Variants in LRIG2 observed in about 807,000 individuals in gnomAD.
The protein encoded by LRIG2 is leucine-rich repeats and immunoglobulin-like domains protein 2.
LRIG2 carries 93 observed loss-of-function variants against 107.8 expected under a neutral mutation model. That is an observed-to-expected ratio of 0.86 (90% CI 0.73 to 1.03). The LOEUF (loss-of-function observed/expected upper bound fraction) is 1.03. Ranked by LOEUF, LRIG2 falls within the 50% of genes least tolerant of loss-of-function variation. The pLI is 0.00. For missense variants in LRIG2, 1,226 were observed against 1,296.0 expected, an observed-to-expected ratio of 0.95 and a Z score of 0.83; for synonymous variants, 471 against 470.6, an observed-to-expected ratio of 1.00 and a Z score of -0.01.
intron 13 of LRIG2, among the ~76,000 whole-genome samples, chr1:113,111,838 C>T (rs1053788010): frequency 2.6e-5 from 4 of 152,114 alleles, no homozygotes; most frequent in African/African-American, 2.4e-5. Flanking sequence ...GATGGACTCT[C>T]ACTCTGTCAT....
rs1655360968 is a variant in LRIG2 at position 113,123,727 on chromosome 1, T to TG, written c.2972-148_2972-147insG. ...AAAGACCATGTTCTGGTGGTGGTTT[T>TG]TGTGTGTGTGTGTGTGTGTGTGTGT... On this transcript the variant is annotated intron_variant, in intron 17 of 17. Coordinates refer to ENST00000361127, the MANE Select transcript of LRIG2 (RefSeq NM_014813.3). 7 of 597,096 alleles carry TG rather than the reference T, an allele frequency of 1.2e-5. No individual in the cohort carries two copies. The African/African-American group carries it at 1.4e-4, about 12-fold the overall frequency. The allele number at this position is 597,096 out of a possible 1,614,324, so 37.0% of individuals were successfully genotyped here. A position where few individuals can be genotyped will look rare whatever the true frequency, so the allele number is the denominator to read the frequency against.
At position 113,114,739 on chromosome 1, in the gene LRIG2, A is replaced by G; in HGVS notation, c.2393A>G (p.His798Arg). The G allele has an allele frequency of 1.9e-6, 3 of 1,614,182 alleles. No homozygotes were observed. The highest frequency in any genetic ancestry group is 4.5e-5 in the East Asian group (2 of 44,884). ...GACTCTTCCCAGAGTAGCATTGGGC[A>G]TGAAGATGATGGCTGGACCACAGTT... Reference protein sequence around the residue: ...NCDSSQSSIGHEDDGWTTVGI... With the variant: ...NCDSSQSSIGREDDGWTTVGI... Residue 798 changes from histidine to arginine, a missense_variant, in exon 15 of 18, where the codon CAT (histidine) becomes CGT (arginine). Around this residue, in one of 3 missense-constraint regions of LRIG2, gnomAD observed 642 missense variants for 712.2 expected, o/e 0.90. Coordinates refer to ENST00000361127, the MANE Select transcript of LRIG2 (RefSeq NM_014813.3).
chr1:113,116,354 G>A lies in LRIG2; in HGVS notation c.2598G>A (p.Gln866=). The change falls in exon 16 of 18, where the codon CAG becomes CAA. Residue 866 remains glutamine (Q), a synonymous_variant. Transcript: ENST00000361127. ...LSSQGTLSEP[Q]EGYSNSEAGS... Reference sequence around the variant, plus strand: ...CCCAAGGAACGCTGTCTGAGCCACAGGAAGGCTACAGCAACTCTGAGGCAG... The same window carrying A: ...CCCAAGGAACGCTGTCTGAGCCACAAGAAGGCTACAGCAACTCTGAGGCAG... The A allele has an allele frequency of 6.2e-7, 1 of 1,614,046 alleles. No homozygotes were observed. The highest frequency in any genetic ancestry group is 8.5e-7 in the Non-Finnish European group (1 of 1,179,972).
chr1:113,096,008 T>G lies in LRIG2; in HGVS notation c.938T>G (p.Leu313Arg), dbSNP rs747756828. Residue 313 changes from leucine (L) to arginine (R), a missense_variant, in exon 7 of 18, where the codon CTA becomes CGA. Leu to Arg is a moderately radical substitution (Grantham distance 102, BLOSUM62 -2). Around this residue, in one of 3 missense-constraint regions of LRIG2, gnomAD observed 570 missense variants for 550.2 expected, o/e 1.04. Coordinates refer to ENST00000361127, the MANE Select transcript of LRIG2 (RefSeq NM_014813.3). ...SPDAWEFCQR[L>R]SELDLSYNQL... ...GATGCATGGGAGTTCTGCCAAAGAC[T>G]ATCCGAACTGTAAGTGTTGGATAGC... is the stretch of plus-strand genomic sequence containing the variant. 1 of 1,614,196 alleles carries G rather than the reference T, an allele frequency of 6.2e-7. No individual in the cohort carries two copies. The highest frequency in any genetic ancestry group is 8.5e-7 in the Non-Finnish European group (1 of 1,180,028).
In LRIG2 at chr1:113,119,446, A is replaced by G; in HGVS notation, c.2894A>G (p.Asn965Ser). 1 of 1,614,186 alleles carries G rather than the reference A, an allele frequency of 6.2e-7. No individual in the cohort carries two copies. Among genetic ancestry groups the G allele is most frequent in the East Asian group, 2.2e-5 (1 of 44,874 alleles). Residue 965 changes from asparagine (N) to serine (S), a missense_variant, in exon 17 of 18, where the codon AAC (asparagine) becomes AGC (serine). By Grantham distance (46) the Asn-to-Ser change is conservative. This residue lies in a region of LRIG2 where 642 missense variants were observed against 712.2 expected (regional missense o/e 0.90). Transcript: ENST00000361127. The stretch of plus-strand genomic sequence containing the variant: ...CTAGAGAGCCTGATACCGTCAGCCA[A>G]CAGAGAGCCATCTGCCTTTCCCACC... ...TALESLIPSANREPSAFPTNH... is the reference protein window; with the variant it reads ...TALESLIPSASREPSAFPTNH...
rs770123189 is a variant in LRIG2 at position 113,094,396 on chromosome 1, A to G, written c.573A>G (p.Ser191=). 1 of 1,613,230 alleles carries G rather than the reference A, an allele frequency of 6.2e-7. No homozygotes were observed. The highest frequency in any genetic ancestry group is 8.5e-7 in the Non-Finnish European group (1 of 1,179,684). The stretch of plus-strand genomic sequence containing the variant: ...AGGCTGGTTGCTTCGATAATTTATC[A>G]AGTTCCTTATTAGTGGTAAAGTTAA... The part of the protein sequence containing the change: ...TLEAGCFDNL[S]SSLLVVKLNR... The change falls in exon 5 of 18, where the codon TCA becomes TCG. Residue 191 remains serine, a synonymous_variant. Coordinates refer to ENST00000361127, the MANE Select transcript of LRIG2 (RefSeq NM_014813.3).
rs139861654 is a variant in LRIG2 at position 113,077,004 on chromosome 1, G to A, written c.239+3359G>A. On this transcript the variant is annotated intron_variant, in intron 1 of 17. Coordinates refer to ENST00000361127, the MANE Select transcript of LRIG2 (RefSeq NM_014813.3). ...TTTCCCCCAATGATGTGTTGTCTTGGTCATTTCATGATAGTACCAAAACAT... is the reference window on the plus strand; with the variant it reads ...TTTCCCCCAATGATGTGTTGTCTTGATCATTTCATGATAGTACCAAAACAT... Among the ~76,000 whole-genome samples the A allele has an allele frequency of 2.4e-4, 37 of 152,108 alleles. 1 individual carries two copies. In the East Asian group the frequency reaches 7.1e-3, roughly 29 times the overall value.
Position 113,114,677 on chromosome 1 carries a change from C to G in LRIG2, c.2331C>G (p.Gly777=), listed in dbSNP as rs1557917760. The change falls in exon 15 of 18, where the codon GGC becomes GGG. Residue 777 remains glycine (G), a synonymous_variant. Transcript: ENST00000361127. ...CTAACACCCTTGGGACAGAACGTGG[C>G]CACATTTACCTAAATGTCATTTCAT... ...IMSNTLGTER[G]HIYLNVISSP... 6.2e-7 allele frequency: 1 copy of G among 1,614,100 alleles called. No homozygotes were observed.
chr1:113,077,407 G>A lies in LRIG2; in HGVS notation c.239+3762G>A, dbSNP rs941412897. Among the ~76,000 whole-genome samples the A allele has an allele frequency of 4.6e-5, 7 of 152,256 alleles. No individual in the cohort carries two copies. In the South Asian group the frequency reaches 1.4e-3, roughly 32 times the overall value. ...TCCGCCCACCTTGGCCTCCCAAAGT[G>A]CCAGGATTACAGGCATTAGCCACTG... On this transcript the variant is annotated intron_variant, in intron 1 of 17. Transcript: ENST00000361127.
chr1:113,083,595 C>T (rs1038042058), intron 1 of LRIG2, among the ~76,000 whole-genome samples: 97 of 151,820 alleles, frequency 6.4e-4, no homozygotes, highest in Admixed American at 1.2e-3. Context: ...ATCCACCTGC[C>T]CTGGCTATCC....
intron 1 of LRIG2, among the ~76,000 whole-genome samples, chr1:113,086,718 C>G (rs1391605710): frequency 1.3e-5 from 2 of 152,192 alleles, no homozygotes; most frequent in Admixed American, 1.3e-4. Flanking sequence ...GCACCTCTGG[C>G]TCCACATGAT....
intron 12 of LRIG2, among the ~76,000 whole-genome samples, chr1:113,109,591 C>T (rs547421358): frequency 1.3e-5 from 2 of 152,242 alleles, no homozygotes; most frequent in South Asian, 2.1e-4. Flanking sequence ...GATCTCGGCT[C>T]ACTAGCCACC....
intron 1 of LRIG2, 148 bp downstream of exon 1, chr1:113,073,793 GT>G: frequency 1.3e-6 from 1 of 741,870 alleles, no homozygotes; most frequent in South Asian, 1.9e-5. Context: ...TATGAACTTT[GT>G]TTTAGGTGGT....
chr1:113,090,448 A>G (rs1048914682), intron 1 of LRIG2, among the ~76,000 whole-genome samples: 10 of 152,100 alleles, frequency 6.6e-5, no homozygotes, highest in African/African-American at 1.9e-4. Context: ...TAAAATAGCT[A>G]TTTTGAAATT....
chr1:113,089,838 G>A (rs2101029777), intron 1 of LRIG2, among the ~76,000 whole-genome samples: 1 of 151,938 alleles, frequency 6.6e-6, no homozygotes, highest in African/African-American at 2.4e-5. Flanking sequence ...GATTACAGGT[G>A]CGTGCCACCA....
intron 1 of LRIG2, among the ~76,000 whole-genome samples, chr1:113,087,124 CAGAGCT>C (rs1357921233): frequency 1.3e-5 from 2 of 152,066 alleles, no homozygotes; most frequent in Non-Finnish European, 1.5e-5. Context: ...GCCTAGGCAA[CAGAGCT>C]TTAGATTACT....
Position 113,100,272 on chromosome 1 carries a change from C to A in LRIG2, c.1234C>A (p.Leu412Ile). Reference protein sequence around the residue: ...TKKAFIGLESLEHLDLNNNAI... With the variant: ...TKKAFIGLESIEHLDLNNNAI... ...GAAAGCATTCATTGGTCTTGAATCC[C>A]TTGAGCATCTGTAAGTATTTTGCAT... is the stretch of plus-strand genomic sequence containing the variant. Residue 412 changes from leucine to isoleucine, a missense_variant, in exon 10 of 18, where the codon CTT becomes ATT. Transcript: ENST00000361127. 6.3e-7 allele frequency: 1 copy of A among 1,587,604 alleles called. No individual in the cohort carries two copies. Among genetic ancestry groups the A allele is most frequent in the Non-Finnish European group, 8.6e-7 (1 of 1,160,950 alleles).
At position 113,097,456 on chromosome 1, in the gene LRIG2, G is replaced by A. The variant is rs1336554512; in HGVS notation, c.1091+1091G>A. 4.6e-5 allele frequency among the ~76,000 whole-genome samples: 7 copies of A among 152,058 alleles called. No individual in the cohort carries two copies. In the East Asian group the frequency reaches 1.2e-3, roughly 25 times the overall value. Reference sequence around the variant, plus strand: ...GTGAAGGGTATATACATGCACAGGTGTGTATTTGATTTTTTAAAAAATTCC... The same window carrying A: ...GTGAAGGGTATATACATGCACAGGTATGTATTTGATTTTTTAAAAAATTCC... On this transcript the variant is annotated intron_variant, in intron 8 of 17. Coordinates refer to ENST00000361127, the MANE Select transcript of LRIG2 (RefSeq NM_014813.3).
intron 1 of LRIG2, among the ~76,000 whole-genome samples, chr1:113,089,036 T>TA (rs1319425972): frequency 2.0e-5 from 3 of 152,250 alleles, no homozygotes; most frequent in African/African-American, 4.8e-5. Flanking sequence ...CAGCTTTAGT[T>TA]ATGTCATGGT....
Sources: gnomAD v4.1 joint callset for allele counts (sites outside exome capture counted in the v4.1 genomes callset) on GRCh38, gnomAD v4.1.1 for gene constraint, gnomAD v4.1.1 regional missense constraint, MANE v1.5 for transcripts, NCBI Gene and HGNC (gene_info 2026-07-23, HGNC 2026-07-21) for gene names.